Variants in ROR2 observed in about 807,000 individuals in gnomAD.
ROR2 encodes ROR family WNT receptor 2, also known as tyrosine-protein kinase transmembrane receptor ROR2.
ROR2 carries 33 observed loss-of-function variants against 74.9 expected under a neutral mutation model. That is an observed-to-expected ratio of 0.44 (90% CI 0.33 to 0.59). The LOEUF is 0.59. ROR2 is among the 20% of genes least tolerant of loss of function. The pLI is 0.02. For synonymous variants in ROR2, 586 were observed against 558.7 expected (o/e 1.05, Z -0.69); for missense variants, 1,216 against 1,313.8 (o/e 0.93, Z 1.15).
chr9:91,806,206 G>A lies in ROR2; in HGVS notation c.98-30388C>T, dbSNP rs532222867. Among the ~76,000 whole-genome samples the A allele has an allele frequency of 4.6e-5, 7 of 152,278 alleles. 1 individual carries two copies. The highest frequency in any genetic ancestry group is 1.7e-4 in the African/African-American group (7 of 41,560). On this transcript the variant is annotated intron_variant, in intron 1 of 8. Transcript: ENST00000375708. ...ATACCATAGACCAGGCAGCTTATAG[G>A]CAACAGAGATCCGTTTTCAGTGCTG... is the stretch of plus-strand genomic sequence containing the variant.
intron 1 of ROR2, among the ~76,000 whole-genome samples, chr9:91,838,043 G>A (rs140186292): frequency 6.2e-4 from 95 of 152,160 alleles, no homozygotes; most frequent in African/African-American, 2.1e-3. Flanking sequence ...GCATGTTGAC[G>A]TCTAGCTTTT....
chr9:91,880,058 T>C (rs4744109), intron 1 of ROR2, among the ~76,000 whole-genome samples: 45,482 of 151,956 alleles, frequency 0.3, 7,325 homozygotes, highest in Admixed American at 0.44. Context: ...TAACCTCCCA[T>C]AGCTCAGAAT....
At chr9:91,811,931 T>C (rs1435088670) in intron 1 of ROR2, among the ~76,000 whole-genome samples, 1 of 152,244 alleles carries the variant, frequency 6.6e-6, no homozygotes. Flanking sequence ...GCCTCCTTTT[T>C]ACTCTGGTTT....
chr9:91,876,681 A>C (rs1363486551), intron 1 of ROR2, among the ~76,000 whole-genome samples: 1 of 152,236 alleles, frequency 6.6e-6, no homozygotes, highest in African/African-American at 2.4e-5. Flanking sequence ...TAGAGAAGGC[A>C]TTGCCTTCTT....
chr9:91,889,769 A>C (rs1457277636), intron 1 of ROR2, among the ~76,000 whole-genome samples: 1 of 152,216 alleles, frequency 6.6e-6, no homozygotes, highest in African/African-American at 2.4e-5. Context: ...CTTAGCGCTA[A>C]GCTTTATAAT....
At chr9:91,819,819 C>CT (rs1376280320) in intron 1 of ROR2, among the ~76,000 whole-genome samples, 1 of 151,758 alleles carries the variant, frequency 6.6e-6, no homozygotes, top group Non-Finnish European at 1.5e-5. Flanking sequence ...CTGTGTTTGT[C>CT]TGTCTTTGAA....
chr9:91,792,353 G>T (rs1827017743), intron 1 of ROR2, among the ~76,000 whole-genome samples: 2 of 137,548 alleles, frequency 1.5e-5, no homozygotes, highest in African/African-American at 3.0e-5. Context: ...TGTCGCCCAG[G>T]TTGGAGTGCA....
chr9:91,727,571 G>A (rs900319419), intron 7 of ROR2, among the ~76,000 whole-genome samples: 4 of 152,262 alleles, frequency 2.6e-5, no homozygotes, highest in South Asian at 4.1e-4. Context: ...CACCCCACAC[G>A]TCAAAGCAAT....
intron 4 of ROR2, among the ~76,000 whole-genome samples, chr9:91,739,305 G>A (rs1825139463): frequency 1.3e-5 from 2 of 152,044 alleles, no homozygotes; most frequent in African/African-American, 2.4e-5. Flanking sequence ...CCAGGAGATC[G>A]AGACCAGTCT....
chr9:91,808,802 CA>C (rs1343355479), intron 1 of ROR2, among the ~76,000 whole-genome samples: 2 of 151,058 alleles, frequency 1.3e-5, no homozygotes, highest in Non-Finnish European at 2.9e-5. Context: ...AAAAAATATA[CA>C]TATTTTTTTT....
At chr9:91,930,722 A>G (rs1000832122) in intron 1 of ROR2, among the ~76,000 whole-genome samples, 1 of 152,244 alleles carries the variant, frequency 6.6e-6, no homozygotes, top group African/African-American at 2.4e-5. Flanking sequence ...TGCTGGCTAC[A>G]GACAGCTGAG....
chr9:91,770,826 CA>C (rs1826203359), intron 2 of ROR2, among the ~76,000 whole-genome samples: 2 of 152,284 alleles, frequency 1.3e-5, no homozygotes, highest in East Asian at 1.9e-4. Flanking sequence ...TTAAACCTAA[CA>C]AACTATCATA....
intron 1 of ROR2, among the ~76,000 whole-genome samples, chr9:91,932,650 C>T (rs1001522793): frequency 3.4e-5 from 5 of 148,844 alleles, no homozygotes; most frequent in African/African-American, 7.4e-5. Context: ...GGCAACTGAG[C>T]GAGACTGTCT....
At chr9:91,784,431 C>T (rs565727393) in intron 1 of ROR2, among the ~76,000 whole-genome samples, 1 of 152,298 alleles carries the variant, frequency 6.6e-6, no homozygotes, top group Admixed American at 6.5e-5. Context: ...AGTTCAGATG[C>T]ATCAGGTGGG....
At position 91,724,557 on chromosome 9, in the gene ROR2, T is replaced by C. The variant is rs1836938389; in HGVS notation, c.1937A>G (p.Tyr646Cys). The C allele has an allele frequency of 6.2e-7, 1 of 1,614,182 alleles. No homozygotes were observed. Among genetic ancestry groups the C allele is most frequent in the Non-Finnish European group, 8.5e-7 (1 of 1,180,026 alleles). Residue 646 changes from tyrosine (Y) to cysteine (C), a missense_variant, in exon 9 of 9, where the codon TAC becomes TGC. By Grantham distance (194) the Tyr-to-Cys change is radical. Coordinates refer to ENST00000375708, the MANE Select transcript of ROR2 (RefSeq NM_004560.4). ...CAGCAGCGAGTTCCCCAGCAGCTTG[T>C]AGTAATCGGCGGCATACACCTCTCG... ...LFREVYAADY[Y>C]KLLGNSLLPI...
chr9:91,787,016 G>A (rs1033415221), intron 1 of ROR2, among the ~76,000 whole-genome samples: 2 of 152,186 alleles, frequency 1.3e-5, no homozygotes, highest in African/African-American at 4.8e-5. Flanking sequence ...GAGACCCTGT[G>A]CAATCCGGAA....
At position 91,726,613 on chromosome 9, in the gene ROR2, T is replaced by A. The variant is rs767989368; in HGVS notation, c.1314A>T (p.Thr438=). The A allele has an allele frequency of 8.7e-6, 14 of 1,613,834 alleles. No homozygotes were observed. In the South Asian group the frequency reaches 1.5e-4, roughly 18 times the overall value. ...CRNKQKASAS[T]PQRRQLMASP... is the part of the protein sequence containing the mutation. Reference sequence around the variant, plus strand: ...AGGCCATCAGCTGTCGCCGCTGCGGTGTGGACGCAGATGCCTTCTGCTTAT... The same window carrying A: ...AGGCCATCAGCTGTCGCCGCTGCGGAGTGGACGCAGATGCCTTCTGCTTAT... Residue 438 remains threonine, a synonymous_variant, in exon 8 of 9, where the codon ACA becomes ACT. Transcript: ENST00000375708.
At chr9:91,937,542 C>G (rs1831733709) in intron 1 of ROR2, among the ~76,000 whole-genome samples, 1 of 152,038 alleles carries the variant, frequency 6.6e-6, no homozygotes, top group African/African-American at 2.4e-5. Context: ...CTGGTCAGAG[C>G]CAGACAAAGG....
intron 1 of ROR2, among the ~76,000 whole-genome samples, chr9:91,896,377 T>C (rs1830539466): frequency 6.6e-6 from 1 of 152,306 alleles, no homozygotes; most frequent in African/African-American, 2.4e-5. Context: ...GAAACACCAC[T>C]TTAAAAACAA....
Sources: allele counts gnomAD v4.1 joint callset (sites outside exome capture counted in the v4.1 genomes callset), GRCh38; gene constraint gnomAD v4.1.1; transcripts MANE v1.5; gene names NCBI Gene and HGNC (gene_info 2026-07-23, HGNC 2026-07-21).